LARS2: variants seen among roughly 807,000 people sequenced by gnomAD.
LARS2 encodes the protein leucine--tRNA ligase, mitochondrial.
In LARS2, 81 loss-of-function variants were observed where a neutral mutation model predicts 116.6. The ratio of observed to expected loss-of-function variants is 0.69; its 90% confidence interval spans 0.58 to 0.84. The LOEUF (loss-of-function observed/expected upper bound fraction) is 0.84. Among genes scored for constraint, LARS2 ranks in the 40% least tolerant of loss-of-function variants. The pLI is 0.00. For missense variants in LARS2, 968 were observed against 1,114.5 expected (o/e 0.87, Z 1.87); for synonymous variants, 396 against 407.2 (o/e 0.97, Z 0.33).
Position 45,547,559 on chromosome 3 carries a change from G to A in LARS2, c.*29G>A. 6.4e-7 allele frequency: 1 copy of A among 1,571,820 alleles called. No individual in the cohort carries two copies. On this transcript the variant is annotated 3_prime_UTR_variant, in exon 22 of 22. Transcript: ENST00000645846. Reference sequence around the variant, plus strand: ...CCAGGAGGCTGCAGCTACCACGAGGGCCTCTGAGGAACCTCCTTCCAGGCC... The same window carrying A: ...CCAGGAGGCTGCAGCTACCACGAGGACCTCTGAGGAACCTCCTTCCAGGCC...
chr3:45,537,435 A>C (rs1173259707), intron 20 of LARS2, among the ~76,000 whole-genome samples: 1 of 152,220 alleles, frequency 6.6e-6, no homozygotes, highest in Non-Finnish European at 1.5e-5. Context: ...CATTAACTTC[A>C]ACAAAATTAT....
chr3:45,394,941 A>G (rs1698019943), intron 3 of LARS2, among the ~76,000 whole-genome samples: 1 of 152,212 alleles, frequency 6.6e-6, no homozygotes, highest in Non-Finnish European at 1.5e-5. Context: ...AAGAGTTTCC[A>G]ATGTGGTGGA....
intron 12 of LARS2, among the ~76,000 whole-genome samples, chr3:45,490,237 C>T (rs1699891544): frequency 6.6e-6 from 1 of 152,114 alleles, no homozygotes; most frequent in Non-Finnish European, 1.5e-5. Flanking sequence ...TAAGGAGCCC[C>T]AGTTAACCCT....
Position 45,491,890 on chromosome 3 carries a change from T to C in LARS2, c.1523+90T>C. 7 of 1,263,416 alleles carry C rather than the reference T, an allele frequency of 5.5e-6. No individual in the cohort carries two copies. The South Asian group carries it at 9.7e-5, about 17-fold the overall frequency. 78.3% of individuals were successfully genotyped at this position (1,263,416 alleles called of 1,614,324 possible). On this transcript the variant is annotated intron_variant, in intron 13 of 21. Coordinates refer to ENST00000645846, the MANE Select transcript of LARS2 (RefSeq NM_015340.4). ...CAGCCTCCTCCCTCCTGGTGCTAAC[T>C]CTGCTCCCTTTTTCCCTGACTTCCA...
intron 20 of LARS2, among the ~76,000 whole-genome samples, chr3:45,532,434 G>A (rs2125765042): frequency 6.6e-6 from 1 of 152,240 alleles, no homozygotes; most frequent in East Asian, 1.9e-4. Flanking sequence ...GATATCCTCA[G>A]ATAAATTCAT....
chr3:45,498,044 T>C (rs754868695), intron 14 of LARS2, among the ~76,000 whole-genome samples: 1 of 152,236 alleles, frequency 6.6e-6, no homozygotes, highest in African/African-American at 2.4e-5. Context: ...GGGGCTCCCC[T>C]TCAGGGCCTT....
At chr3:45,412,367 A>G (rs576096871) in intron 4 of LARS2, among the ~76,000 whole-genome samples, 2 of 152,246 alleles carry the variant, frequency 1.3e-5, no homozygotes, top group East Asian at 3.9e-4. Flanking sequence ...ACAAATAAGC[A>G]GGCTCCTATA....
chr3:45,496,965 A>G (rs1700024221), intron 14 of LARS2, among the ~76,000 whole-genome samples: 1 of 152,272 alleles, frequency 6.6e-6, no homozygotes, highest in Non-Finnish European at 1.5e-5. Flanking sequence ...CTGCATTTGT[A>G]TGATTGTAAA....
Position 45,478,051 on chromosome 3 carries a change from C to G in LARS2, c.1018+1424C>G, listed in dbSNP as rs536956986. ...AGGACAGCCAGATGCATATGCCACTCGCCCCACACAAGGCAGATGTCACCT... is the reference window on the plus strand; with the variant it reads ...AGGACAGCCAGATGCATATGCCACTGGCCCCACACAAGGCAGATGTCACCT... On this transcript the variant is annotated intron_variant, in intron 10 of 21. Coordinates refer to ENST00000645846, the MANE Select transcript of LARS2 (RefSeq NM_015340.4). Among the ~76,000 whole-genome samples, 7 of 152,262 alleles carry G rather than the reference C, an allele frequency of 4.6e-5. No homozygotes were observed. The South Asian group carries it at 1.0e-3, about 23-fold the overall frequency.
At chr3:45,444,662 T>C (rs1461104849) in intron 6 of LARS2, among the ~76,000 whole-genome samples, 1 of 12,284 alleles carries the variant, frequency 8.1e-5, no homozygotes, top group Non-Finnish European at 3.4e-4. Flanking sequence ...AGACTCCGTC[T>C]CAAAAAAAAA....
Position 45,394,524 on chromosome 3 carries a change from A to C in LARS2, c.71A>C (p.Asp24Ala), listed in dbSNP as rs1217423477. ...LLKRQLNGGP[D>A]VIKWERRVIP... ...AAAAGACAGCTAAATGGTGGGCCAG[A>C]TGTCATCAAGTGGGAAAGGAGAGTA... Residue 24 changes from aspartate (D) to alanine (A), a missense_variant, in exon 3 of 22, where the codon GAT becomes GCT. Asp to Ala is a moderately radical substitution (Grantham distance 126). Transcript: ENST00000645846. 6.2e-7 allele frequency: 1 copy of C among 1,614,204 alleles called. No individual in the cohort carries two copies.
intron 15 of LARS2, among the ~76,000 whole-genome samples, chr3:45,510,728 T>C (rs897555115): frequency 6.6e-6 from 1 of 152,198 alleles, no homozygotes; most frequent in Admixed American, 6.5e-5. Flanking sequence ...AAGTCCTGGA[T>C]GGCTATGCGG....
chr3:45,401,225 G>A (rs1698143099), intron 4 of LARS2, among the ~76,000 whole-genome samples: 2 of 152,158 alleles, frequency 1.3e-5, no homozygotes, highest in Non-Finnish European at 1.5e-5. Context: ...CATCTGGTCT[G>A]GGCACCTGGC....
intron 7 of LARS2, among the ~76,000 whole-genome samples, chr3:45,449,143 A>G (rs1448590162): frequency 6.7e-6 from 1 of 149,516 alleles, no homozygotes; most frequent in Non-Finnish European, 1.5e-5. Context: ...AGCAAGGGGA[A>G]GCTTAACTCA....
chr3:45,463,723 G>A (rs907095777), intron 8 of LARS2, among the ~76,000 whole-genome samples: 4 of 151,848 alleles, frequency 2.6e-5, no homozygotes, highest in African/African-American at 9.7e-5. Context: ...CCCTAGGCAG[G>A]GTGCTAAGAA....
Position 45,400,377 on chromosome 3 carries a change from A to G in LARS2, c.363+4A>G, listed in dbSNP as rs1359452882. 14 of 1,598,466 alleles carry G rather than the reference A, an allele frequency of 8.8e-6. No individual in the cohort carries two copies. Among genetic ancestry groups the G allele is most frequent in the Admixed American group, 1.8e-5 (1 of 56,618 alleles). ...CCAGAAGATGAGAGGGATGCAGGTA[A>G]GAACAGGTGCCTGCTGGAGCAGCCC... On this transcript the variant is annotated splice_donor_region_variant and intron_variant, in intron 4 of 21. Coordinates refer to ENST00000645846, the MANE Select transcript of LARS2 (RefSeq NM_015340.4).
At chr3:45,455,138 T>C (rs1055706899) in intron 7 of LARS2, among the ~76,000 whole-genome samples, 1 of 151,908 alleles carries the variant, frequency 6.6e-6, no homozygotes, top group Non-Finnish European at 1.5e-5. Flanking sequence ...TTTTTTTTTT[T>C]TGTCTTTCAT....
intron 20 of LARS2, among the ~76,000 whole-genome samples, chr3:45,532,789 G>A (rs1314877916): frequency 1.3e-5 from 2 of 151,920 alleles, no homozygotes; most frequent in African/African-American, 2.4e-5. Flanking sequence ...TTACAGGCAC[G>A]TGCCACCATG....
intron 11 of LARS2, among the ~76,000 whole-genome samples, chr3:45,487,063 C>T (rs1699827167): frequency 6.6e-6 from 1 of 152,118 alleles, no homozygotes; most frequent in African/African-American, 2.4e-5. Flanking sequence ...TTTTGCCTCC[C>T]ACCTGCACTG....
Sources: allele counts gnomAD v4.1 joint callset (sites outside exome capture counted in the v4.1 genomes callset), GRCh38; gene constraint gnomAD v4.1.1; transcripts MANE v1.5; gene names NCBI Gene and HGNC (gene_info 2026-07-23, HGNC 2026-07-21).